SPAG16: variants seen among roughly 807,000 people sequenced by gnomAD.
The protein encoded by SPAG16 is sperm-associated antigen 16 protein.
A neutral mutation model predicts 80.4 loss-of-function variants in SPAG16; 86 were observed. That is an observed-to-expected ratio of 1.07 (90% CI 0.90 to 1.28). The LOEUF (loss-of-function observed/expected upper bound fraction) is 1.28, where lower values mean the gene tolerates loss of function less well. Among genes scored for constraint, SPAG16 ranks in the 50% most tolerant of loss-of-function variants. The pLI, the probability that SPAG16 is intolerant of heterozygous loss-of-function variation, is 0.00. For missense variants in SPAG16, 870 were observed against 765.3 expected (o/e 1.14, Z -1.61); for synonymous variants, 294 against 265.9 (o/e 1.11, Z -1.03).
At chr2:213,352,937 A>G (rs2065414690) in intron 7 of SPAG16, among the ~76,000 whole-genome samples, 1 of 152,184 alleles carries the variant, frequency 6.6e-6, no homozygotes, top group African/African-American at 2.4e-5. Context: ...GTGTTTGAAT[A>G]TTATATTAAC....
At chr2:213,538,352 G>A (rs1162846476) in intron 10 of SPAG16, among the ~76,000 whole-genome samples, 1 of 152,002 alleles carries the variant, frequency 6.6e-6, no homozygotes, top group Non-Finnish European at 1.5e-5. Context: ...GACATCCTAT[G>A]TCAAATTTAT....
At chr2:213,328,354 T>C (rs1157022000) in intron 5 of SPAG16, among the ~76,000 whole-genome samples, 1 of 143,286 alleles carries the variant, frequency 7.0e-6, no homozygotes, top group African/African-American at 2.4e-5. Context: ...AAGAGATTCA[T>C]TGATCCTTTT....
At chr2:214,138,612 A>T (rs34300459) in intron 14 of SPAG16, among the ~76,000 whole-genome samples, 15,030 of 152,110 alleles carry the variant, frequency 0.099, 1,007 homozygotes, top group East Asian at 0.28. Context: ...TGGCATTTAG[A>T]TTTAGCAGGA....
intron 13 of SPAG16, among the ~76,000 whole-genome samples, chr2:214,014,767 T>C (rs1164885799): frequency 2.6e-5 from 4 of 152,186 alleles, no homozygotes. Context: ...TCTTAAACTA[T>C]TTCCGAGAGA....
rs113658077 is a variant in SPAG16 at position 213,552,470 on chromosome 2, C to T, written c.1070+62380C>T. ...GGTTTTACATGATTCTTTATTTTCT[C>T]AACTCTAGTTTTATATGATTCTTCA... On this transcript the variant is annotated intron_variant, in intron 10 of 15. Coordinates refer to ENST00000331683, the MANE Select transcript of SPAG16 (RefSeq NM_024532.5). Among the ~76,000 whole-genome samples, 119 of 152,286 alleles carry T rather than the reference C, an allele frequency of 7.8e-4. 2 individuals are homozygous for T. The highest frequency in any genetic ancestry group is 3.4e-3 in the Middle Eastern group (1 of 294).
chr2:213,689,507 G>C (rs2064842408), intron 10 of SPAG16, among the ~76,000 whole-genome samples: 1 of 124,846 alleles, frequency 8.0e-6, no homozygotes, highest in Admixed American at 8.4e-5. Flanking sequence ...TTTAAACTTA[G>C]AACAGAATTT....
intron 1 of SPAG16, among the ~76,000 whole-genome samples, chr2:213,284,950 C>A (rs1418173110): frequency 6.6e-6 from 1 of 152,188 alleles, no homozygotes; most frequent in African/African-American, 2.4e-5. Context: ...ACCCTCCTTT[C>A]AAATAATGGG....
intron 11 of SPAG16, among the ~76,000 whole-genome samples, chr2:213,896,713 C>G (rs2077009929): frequency 6.6e-6 from 1 of 151,460 alleles, no homozygotes; most frequent in African/African-American, 2.4e-5. Context: ...TTTAGCTATA[C>G]CAAAATGAAA....
intron 15 of SPAG16, among the ~76,000 whole-genome samples, chr2:214,307,330 C>CA (rs902641094): frequency 1.9e-4 from 28 of 151,104 alleles, no homozygotes; most frequent in South Asian, 4.2e-4. Flanking sequence ...TAATTTTTTC[C>CA]AAAAAAACAG....
At chr2:213,794,719 C>T (rs1045087551) in intron 10 of SPAG16, among the ~76,000 whole-genome samples, 5 of 151,242 alleles carry the variant, frequency 3.3e-5, no homozygotes, top group African/African-American at 2.4e-5. Context: ...AGCATTATCA[C>T]TTTGATCTTA....
Position 213,688,856 on chromosome 2 carries a change from T to C in SPAG16, c.1071-173629T>C, listed in dbSNP as rs142935391. Among the ~76,000 whole-genome samples, 533 of 152,356 alleles carry C rather than the reference T, an allele frequency of 3.5e-3. 2 individuals carry two copies. Among genetic ancestry groups the C allele is most frequent in the African/African-American group, 0.011 (466 of 41,584 alleles). ...CTCAGATATTATATTAATAATTCTATCACCAGACATTTTATTTGATCCTTT... is the reference window on the plus strand; with the variant it reads ...CTCAGATATTATATTAATAATTCTACCACCAGACATTTTATTTGATCCTTT... On this transcript the variant is annotated intron_variant, in intron 10 of 15. Transcript: ENST00000331683.
intron 10 of SPAG16, among the ~76,000 whole-genome samples, chr2:213,575,780 T>G (rs1010297271): frequency 1.3e-5 from 2 of 152,170 alleles, no homozygotes; most frequent in Non-Finnish European, 2.9e-5. Context: ...TATAGCTCAA[T>G]TGTAGGATTA....
At chr2:213,405,692 T>A (rs2068575669) in intron 9 of SPAG16, among the ~76,000 whole-genome samples, 1 of 152,172 alleles carries the variant, frequency 6.6e-6, no homozygotes, top group South Asian at 2.1e-4. Context: ...TGAGGCCAAC[T>A]TTTTTAGCTC....
At chr2:213,285,214 C>G (rs953729667) in intron 1 of SPAG16, among the ~76,000 whole-genome samples, 1 of 151,814 alleles carries the variant, frequency 6.6e-6, no homozygotes. Flanking sequence ...TTTTCTTGAG[C>G]AAATAAATAA....
At chr2:214,188,590 C>T (rs1397937493) in intron 15 of SPAG16, among the ~76,000 whole-genome samples, 1 of 152,090 alleles carries the variant, frequency 6.6e-6, no homozygotes, top group Non-Finnish European at 1.5e-5. Context: ...TAGAGTATTT[C>T]TTCATATCCA....
At chr2:213,435,709 T>C (rs188271731) in intron 9 of SPAG16, among the ~76,000 whole-genome samples, 18 of 152,322 alleles carry the variant, frequency 1.2e-4, no homozygotes, top group Non-Finnish European at 2.5e-4. Context: ...AAATCTAAAA[T>C]GACTGATAAA....
rs1418464159 is a variant in SPAG16, at chr2:213,284,737, C to T, written c.136+118C>T. ...CCTTGGGGCCACTCCGGAGGAGCCT[C>T]TGTTGGACTTCAAGGTGCTGTTTTT... On this transcript the variant is annotated intron_variant, in intron 1 of 15. Transcript: ENST00000331683. 6 of 1,381,424 alleles carry T rather than the reference C, an allele frequency of 4.3e-6. No homozygotes were observed. In the Admixed American group the frequency reaches 8.5e-5, roughly 20 times the overall value. The allele number at this position is 1,381,424 out of a possible 1,614,324, so 85.6% of individuals were successfully genotyped here.
chr2:213,707,748 A>C (rs1445731252), intron 10 of SPAG16, among the ~76,000 whole-genome samples: 9 of 149,642 alleles, frequency 6.0e-5, no homozygotes, highest in Non-Finnish European at 1.3e-4. Context: ...CTAATTTTCT[A>C]AGGTGATGGA....
rs754484456 is a variant in SPAG16 at position 214,410,265 on chromosome 2, G to A, written c.1846G>A (p.Glu616Lys). ...AHTVVFSHDG[E>K]ILFSGGSDGT... The stretch of plus-strand genomic sequence containing the variant: ...CACGGTTGTGTTTTCTCACGACGGG[G>A]AGATTCTCTTTTCTGGAGGCTCTGA... Residue 616 changes from glutamate to lysine, a missense_variant, in exon 16 of 16, where the codon GAG becomes AAG. Glu to Lys is a moderately conservative substitution (Grantham distance 56). Coordinates refer to ENST00000331683, the MANE Select transcript of SPAG16 (RefSeq NM_024532.5). 5.4e-5 allele frequency: 87 copies of A among 1,610,796 alleles called. No homozygotes were observed. Among genetic ancestry groups the A allele is most frequent in the Non-Finnish European group, 7.1e-5 (84 of 1,177,250 alleles).
Sources: allele counts gnomAD v4.1 joint callset (sites outside exome capture counted in the v4.1 genomes callset), GRCh38; gene constraint gnomAD v4.1.1; transcripts MANE v1.5; gene names NCBI Gene and HGNC (gene_info 2026-07-23, HGNC 2026-07-21).